The following EIF1AY variants were observed in gnomAD, a reference collection of about 807,000 sequenced individuals.
EIF1AY encodes the protein eukaryotic translation initiation factor 1A, Y-chromosomal.
For synonymous variants in EIF1AY, 16 were observed against 9.9 expected (o/e 1.62, Z -1.16); for missense variants, 19 against 30.6 (o/e 0.62, Z 0.89).
intron 6 of EIF1AY, among the ~76,000 whole-genome samples, chrY:20,589,881 A>T: frequency 8.9e-5 from 3 of 33,695 alleles, no homozygotes; most frequent in African/African-American, 3.5e-4. Context: ...ATAGAATTAC[A>T]TGGTTGAGCA....
chrY:20,587,147 A>G (rs2089354937), intron 4 of EIF1AY: 1 of 33,494 alleles, frequency 3.0e-5, no homozygotes, highest in Non-Finnish European at 7.4e-5. Context: ...ATATGCATTC[A>G]TGTACTACAC....
At chrY:20,580,385 A>G (rs753306686) in intron 2 of EIF1AY, among the ~76,000 whole-genome samples, 16 of 33,690 alleles carry the variant, frequency 4.7e-4, no homozygotes, top group African/African-American at 1.8e-3. Flanking sequence ...AAGTTCTTCA[A>G]TGCAGCTAGC....
intron 1 of EIF1AY, 129 bp downstream of exon 1, chrY:20,576,016 A>G: frequency 5.3e-6 from 1 of 188,704 alleles, no homozygotes; most frequent in East Asian, 1.2e-4. Flanking sequence ...TGTTCGGGAA[A>G]GGAGCTGGGA....
chrY:20,584,153 A>G (rs748029787), intron 3 of EIF1AY, among the ~76,000 whole-genome samples: 339 of 31,995 alleles, frequency 0.011, no homozygotes, highest in Non-Finnish European at 0.022. Context: ...CTTCACCTCA[A>G]GCAGTCCTCC....
chrY:20,582,731 C>CA (rs1257437015), intron 3 of EIF1AY, 38 bp downstream of exon 3: 10 of 271,339 alleles, frequency 3.7e-5, no homozygotes, highest in African/African-American at 7.6e-5. Context: ...AAATTTGCCG[C>CA]AAAAAATGTC....
intron 4 of EIF1AY, among the ~76,000 whole-genome samples, chrY:20,585,289 AC>A (rs2089353861): frequency 3.0e-5 from 1 of 33,794 alleles, no homozygotes; most frequent in Non-Finnish European, 7.4e-5. Context: ...AGGCATACAT[AC>A]CAAGTAGTTA....
At position 20,583,380 on chromosome Y, in the gene EIF1AY, G is replaced by GA. The variant is rs374684343; in HGVS notation, c.204+700dup. Among the ~76,000 whole-genome samples the GA allele has an allele frequency of 4.9e-3, 120 of 24,574 alleles. No individual in the cohort carries two copies. In the South Asian group the frequency reaches 0.071, roughly 14 times the overall value. 65.9% of individuals were successfully genotyped at this position (24,574 alleles called of 37,273 possible). On this transcript the variant is annotated intron_variant, in intron 3 of 6. Transcript: ENST00000361365. ...ATAGAGCGAATCTCTATCTCAAAAAGAAAAAAAAAAAAATCTTTCTGGTAT... is the reference window on the plus strand; with the variant it reads ...ATAGAGCGAATCTCTATCTCAAAAAGAAAAAAAAAAAAAATCTTTCTGGTAT...
chrY:20,587,510 G>C (rs2089355519), intron 4 of EIF1AY: 1 of 32,985 alleles, frequency 3.0e-5, no homozygotes, highest in Non-Finnish European at 7.4e-5. Flanking sequence ...GTATGGTCTC[G>C]ATCTCCTGAC....
intron 5 of EIF1AY, 31 bp from the exon 6 acceptor site, chrY:20,589,453 A>G: frequency 2.6e-6 from 1 of 385,009 alleles, no homozygotes; most frequent in Non-Finnish European, 3.7e-6. Flanking sequence ...TACAGGTTAT[A>G]TAATCAGTAT....
At chrY:20,576,867 C>T (rs2089347085) in intron 1 of EIF1AY, among the ~76,000 whole-genome samples, 1 of 33,789 alleles carries the variant, frequency 3.0e-5, no homozygotes, top group Non-Finnish European at 7.3e-5. Context: ...CTTTCCTGGG[C>T]ATTACTCTTT....
intron 4 of EIF1AY, among the ~76,000 whole-genome samples, chrY:20,586,285 G>A: frequency 1.2e-4 from 4 of 33,379 alleles, no homozygotes; most frequent in Non-Finnish European, 2.2e-4. Context: ...GAGCTTTTGC[G>A]AGTTTTTTGG....
intron 2 of EIF1AY, 135 bp from the exon 3 acceptor site, chrY:20,582,455 C>A: frequency 6.4e-6 from 1 of 155,841 alleles, no homozygotes; most frequent in South Asian, 4.4e-5. Context: ...AGGCAATTCA[C>A]CTGCCTTGGC....
At position 20,592,440 on chromosome Y, in the gene EIF1AY, G is replaced by T; in HGVS notation, c.*94G>T. 5.9e-6 allele frequency: 1 copy of T among 169,848 alleles called. No individual in the cohort carries two copies. The highest frequency in any genetic ancestry group is 1.3e-4 in the Admixed American group (1 of 7,447). 42.4% of individuals were successfully genotyped at this position (169,848 alleles called of 400,897 possible). Reference sequence around the variant, plus strand: ...TCAACCAAGAAGAGAAATTCATTTAGTGTGTAGTTTCTGAAAGCAAACTGA... The same window carrying T: ...TCAACCAAGAAGAGAAATTCATTTATTGTGTAGTTTCTGAAAGCAAACTGA... On this transcript the variant is annotated 3_prime_UTR_variant, in exon 7 of 7. Coordinates refer to ENST00000361365, the MANE Select transcript of EIF1AY (RefSeq NM_004681.4).
At position 20,587,720 on chromosome Y, in the gene EIF1AY, A is replaced by C. The variant is rs751072794; in HGVS notation, c.256-304A>C. 1.4e-4 allele frequency: 6 copies of C among 41,507 alleles called. No individual in the cohort carries two copies. In the East Asian group the frequency reaches 3.4e-3, roughly 24 times the overall value. 10.4% of individuals were successfully genotyped at this position (41,507 alleles called of 400,897 possible). ...CTTTTATTTTTTCCAAGAGACTTCT[A>C]ATTAAAAGGGAATAGTAAATAAAAG... On this transcript the variant is annotated intron_variant, in intron 4 of 6. Transcript: ENST00000361365.
intron 4 of EIF1AY, among the ~76,000 whole-genome samples, chrY:20,586,421 G>T: frequency 3.0e-5 from 1 of 33,707 alleles, no homozygotes; most frequent in South Asian, 6.4e-4. Context: ...GTGAGTTAAA[G>T]AAAAGTTCTT....
intron 2 of EIF1AY, among the ~76,000 whole-genome samples, chrY:20,581,811 G>A: frequency 3.0e-5 from 1 of 33,426 alleles, no homozygotes; most frequent in African/African-American, 1.2e-4. Context: ...ATTTTGAAAT[G>A]TGCCACCGTG....
intron 2 of EIF1AY, among the ~76,000 whole-genome samples, chrY:20,580,642 A>G (rs756876467): frequency 6.0e-5 from 2 of 33,129 alleles, no homozygotes; most frequent in African/African-American, 2.3e-4. Context: ...CTTTATTTCT[A>G]TCTCTGAGTA....
intron 5 of EIF1AY, 115 bp from the exon 6 acceptor site, chrY:20,589,369 C>A (rs952404517): frequency 5.7e-6 from 1 of 175,798 alleles, no homozygotes; most frequent in Non-Finnish European, 1.0e-5. Context: ...CAGATTTCAC[C>A]ATGTTGGCTA....
At chrY:20,591,488 T>G in intron 6 of EIF1AY, among the ~76,000 whole-genome samples, 1 of 33,650 alleles carries the variant, frequency 3.0e-5, no homozygotes, top group Non-Finnish European at 7.3e-5. Context: ...TTAAGCAGTT[T>G]CCACCTTGAG....
Sources: gnomAD v4.1 joint callset for allele counts (sites outside exome capture counted in the v4.1 genomes callset) on GRCh38, gnomAD v4.1.1 for gene constraint, MANE v1.5 for transcripts, NCBI Gene and HGNC (gene_info 2026-07-23, HGNC 2026-07-21) for gene names.